HDAC5: variants seen among roughly 807,000 people sequenced by gnomAD.
The protein encoded by HDAC5 is antigen NY-CO-9.
In HDAC5, 25 loss-of-function variants were observed where a neutral mutation model predicts 133.3. The observed-to-expected ratio is 0.19, with a 90% CI of 0.14 to 0.26. The LOEUF (loss-of-function observed/expected upper bound fraction) is 0.26, where lower values mean the gene tolerates loss of function less well. HDAC5 is among the 10% of genes least tolerant of loss of function. The pLI is 1.00. For missense variants in HDAC5, 1,041 were observed against 1,460.5 expected (o/e 0.71, Z 4.68); for synonymous variants, 589 against 610.8 (o/e 0.96, Z 0.53).
chr17:44,079,340 C>G (rs2050268293), intron 23 of HDAC5, 63 bp from the exon 24 acceptor site: 1 of 1,549,726 alleles, frequency 6.5e-7, no homozygotes, highest in African/African-American at 1.4e-5. Context: ...ATTCAAGAGC[C>G]AGTAAGAGGA....
At chr17:44,093,978 G>A (rs1190889798) in intron 3 of HDAC5, 144 bp from the exon 4 acceptor site, 1 of 1,089,128 alleles carries the variant, frequency 9.2e-7, no homozygotes, top group Non-Finnish European at 1.2e-6. Context: ...CTGCTCCATG[G>A]ATGCAACATT....
chr17:44,106,799 G>A (rs1450763880), intron 3 of HDAC5, among the ~76,000 whole-genome samples: 1 of 151,920 alleles, frequency 6.6e-6, no homozygotes, highest in Non-Finnish European at 1.5e-5. Flanking sequence ...TGTTGGTCAG[G>A]CTGGTCTCAA....
intron 3 of HDAC5, among the ~76,000 whole-genome samples, chr17:44,110,359 A>T (rs971736256): frequency 7.2e-5 from 11 of 152,082 alleles, no homozygotes; most frequent in Non-Finnish European, 1.5e-4. Flanking sequence ...CCCTTGCCCA[A>T]ACTTGGGGAG....
chr17:44,079,497 G>C (rs1472497666), intron 23 of HDAC5, among the ~76,000 whole-genome samples: 2 of 151,764 alleles, frequency 1.3e-5, no homozygotes, highest in African/African-American at 4.8e-5. Context: ...ATAATTAGCC[G>C]GCCATGGTGG....
Position 44,091,689 on chromosome 17 carries a change from C to G in HDAC5, c.1164+11G>C, listed in dbSNP as rs1298250416. The G allele has an allele frequency of 2.5e-5, 39 of 1,549,444 alleles. No homozygotes were observed. Among genetic ancestry groups the G allele is most frequent in the Non-Finnish European group, 3.4e-5 (39 of 1,149,626 alleles). On this transcript the variant is annotated intron_variant, in intron 10 of 26. Coordinates refer to ENST00000682912, the MANE Select transcript of HDAC5 (RefSeq NM_005474.5). Reference sequence around the variant, plus strand: ...ACCAGAGGGAAGATGGGGTATATGCCCTGTACTTACAGTGAGGTGTGAGTT... The same window carrying G: ...ACCAGAGGGAAGATGGGGTATATGCGCTGTACTTACAGTGAGGTGTGAGTT...
At chr17:44,119,937 CAG>C (rs1275306660) in intron 1 of HDAC5, 1 of 152,268 alleles carries the variant, frequency 6.6e-6, no homozygotes, top group Non-Finnish European at 1.5e-5. Context: ...CATAAGCAGA[CAG>C]ACCCCTGCCC....
Position 44,117,757 on chromosome 17 carries a change from CG to C in HDAC5, c.-189-54del, listed in dbSNP as rs968615070. On this transcript the variant is annotated intron_variant, in intron 1 of 26. Transcript: ENST00000682912. The surrounding 1 kb of genome is among the most constrained non-coding windows in gnomAD (Gnocchi z 4.2). ...GCCCCTAACTCAGGAATCTGAGAGT[CG>C]AAGGAGACCTTGGAGCTCATCAGTT... 1 of 598,402 alleles carries C rather than the reference CG, an allele frequency of 1.7e-6. No homozygotes were observed. The allele number at this position is 598,402 out of a possible 1,614,324, so 37.1% of individuals were successfully genotyped here.
chr17:44,112,633 G>A (rs2052413316), intron 2 of HDAC5, among the ~76,000 whole-genome samples: 2 of 152,276 alleles, frequency 1.3e-5, no homozygotes, highest in South Asian at 4.1e-4. Context: ...AGTGGCTGTG[G>A]CTCCTGGAGC....
At chr17:44,107,391 C>T (rs1477634989) in intron 3 of HDAC5, among the ~76,000 whole-genome samples, 3 of 152,106 alleles carry the variant, frequency 2.0e-5, no homozygotes, top group Non-Finnish European at 4.4e-5. Context: ...AGGCGGATCA[C>T]GAGGTCAGGA....
chr17:44,079,034 T>C, intron 24 of HDAC5, 110 bp downstream of exon 24: 1 of 1,526,814 alleles, frequency 6.5e-7, no homozygotes, highest in Non-Finnish European at 8.9e-7. Flanking sequence ...CCATTAGCTG[T>C]TCCTTAGGAC....
At chr17:44,087,824 G>C in intron 12 of HDAC5, 128 bp from the exon 13 acceptor site, 1 of 1,202,302 alleles carries the variant, frequency 8.3e-7, no homozygotes, top group Non-Finnish European at 1.1e-6. Flanking sequence ...ATTAGAAAAA[G>C]GTGAGGTAGC....
At chr17:44,116,727 G>A (rs892839886) in intron 2 of HDAC5, among the ~76,000 whole-genome samples, 1 of 152,068 alleles carries the variant, frequency 6.6e-6, no homozygotes, top group Non-Finnish European at 1.5e-5. Flanking sequence ...ACTGCTGAGG[G>A]TCCAGCTCAG....
chr17:44,091,005 T>C (rs1463774512), intron 11 of HDAC5, among the ~76,000 whole-genome samples: 1 of 152,260 alleles, frequency 6.6e-6, no homozygotes, highest in Non-Finnish European at 1.5e-5. Flanking sequence ...TTACATTTTT[T>C]AATGTGGATG....
At chr17:44,101,404 C>G (rs960683424) in intron 3 of HDAC5, among the ~76,000 whole-genome samples, 10 of 80,674 alleles carry the variant, frequency 1.2e-4, no homozygotes, top group African/African-American at 3.9e-4. Context: ...GAGCAAGACT[C>G]CGTCTCAAAA....
rs1485216282 is a variant in HDAC5, at chr17:44,078,584, T to G, written c.3245A>C (p.Glu1082Ala). 1.9e-6 allele frequency: 3 copies of G among 1,610,086 alleles called. No homozygotes were observed. The highest frequency in any genetic ancestry group is 2.5e-6 in the Non-Finnish European group (3 of 1,179,940). The change falls in exon 26 of 27, where the codon GAG (glutamate) becomes GCG (alanine). Residue 1082 changes from glutamate (E) to alanine (A), a missense_variant. Transcript: ENST00000682912. The stretch of plus-strand genomic sequence containing the variant: ...GGCCATGGCGCTCACAGTCTCGGCC[T>G]CCTCGGTCTCACCTGCTTGGGCCTC... ...LREAQAGETE[E>A]AETVSAMALL...
chr17:44,084,178 T>C (rs1203250233), intron 16 of HDAC5, among the ~76,000 whole-genome samples: 1 of 150,604 alleles, frequency 6.6e-6, no homozygotes. Context: ...CCACCAAAAA[T>C]GAGGGCTCAG....
rs149313188 is a variant in HDAC5 at position 44,084,151 on chromosome 17, C to T, written c.2306-297G>A. Among the ~76,000 whole-genome samples the T allele has an allele frequency of 7.0e-3, 1,054 of 151,596 alleles. 14 individuals carry two copies. The highest frequency in any genetic ancestry group is 0.025 in the African/African-American group (1,026 of 41,350). Reference sequence around the variant, plus strand: ...AAAAAAAAAGGCACCTCAACTGCCACAGGGCTACAGGCTTAGCCACCAAAA... The same window carrying T: ...AAAAAAAAAGGCACCTCAACTGCCATAGGGCTACAGGCTTAGCCACCAAAA... On this transcript the variant is annotated intron_variant, in intron 16 of 26. Transcript: ENST00000682912.
Position 44,077,769 on chromosome 17 carries a change from A to G in HDAC5, c.*607T>C, listed in dbSNP as rs34056863. The G allele has an allele frequency of 6.6e-6, 1 of 152,612 alleles. No homozygotes were observed. Among genetic ancestry groups the G allele is most frequent in the African/African-American group, 2.4e-5 (1 of 41,568 alleles). The allele number at this position is 152,612 out of a possible 1,614,324, so 9.5% of individuals were successfully genotyped here. ...CAGCCCTCCTCACAGACTGCAGGCC[A>G]CAGCTTGGGCACCAGCCTCCCATCA... is the stretch of plus-strand genomic sequence containing the variant. On this transcript the variant is annotated 3_prime_UTR_variant, in exon 27 of 27. Transcript: ENST00000682912.
chr17:44,115,337 C>T (rs2052584518), intron 2 of HDAC5, among the ~76,000 whole-genome samples: 1 of 152,206 alleles, frequency 6.6e-6, no homozygotes, highest in African/African-American at 2.4e-5. Context: ...CCTTCCTTCC[C>T]ACCTCTTATC....
Sources: gnomAD v4.1 joint callset for allele counts (sites outside exome capture counted in the v4.1 genomes callset) on GRCh38, gnomAD v4.1.1 for gene constraint, Gnocchi (gnomAD v3.1) non-coding constraint, MANE v1.5 for transcripts, NCBI Gene and HGNC (gene_info 2026-07-23, HGNC 2026-07-21) for gene names.